Variants in STAG2 observed in about 807,000 individuals in gnomAD.
The protein encoded by STAG2 is STAG2 cohesin complex component.
A neutral mutation model predicts 108.1 loss-of-function variants in STAG2; 14 were observed. That is an observed-to-expected ratio of 0.13 (90% confidence interval 0.09 to 0.20). STAG2 has a LOEUF of 0.20. Among genes scored for constraint, STAG2 ranks in the 10% least tolerant of loss-of-function variants. The probability of loss-of-function intolerance (pLI) is 1.00; values close to 1 mark genes in which losing one functional copy is unlikely to be tolerated. For synonymous variants in STAG2, 307 were observed against 302.7 expected (o/e 1.01, Z -0.15); for missense variants, 440 against 940.9 (o/e 0.47, Z 6.96).
In STAG2 at chrX:123,972,391, C is replaced by T. The variant is rs1188220508; in HGVS notation, c.-163+10535C>T. On this transcript the variant is annotated intron_variant, in intron 1 of 34. Coordinates refer to ENST00000371145, the MANE Select transcript of STAG2 (RefSeq NM_001042750.2). ...GTTCACGCCATTCTCCTGCCTCAGC[C>T]TCCCGAGTAGCTGGGACTACAGGCG... 2.8e-5 allele frequency among the ~76,000 whole-genome samples: 3 copies of T among 108,596 alleles called. No individual in the cohort carries two copies. In the East Asian group the frequency reaches 8.8e-4, roughly 32 times the overall value. 94.3% of individuals were successfully genotyped at this position (108,596 alleles called of 115,157 possible).
At chrX:124,073,785 T>A (rs1178743288) in intron 25 of STAG2, among the ~76,000 whole-genome samples, 1 of 111,617 alleles carries the variant, frequency 9.0e-6, no homozygotes. Context: ...ATATAACAGA[T>A]TTTTACATAA....
At chrX:124,057,822 TTTG>T (rs752606209) in intron 14 of STAG2, 41 bp from the exon 15 acceptor site, 14 of 898,122 alleles carry the variant, frequency 1.6e-5, no homozygotes, top group East Asian at 3.4e-5. Flanking sequence ...TAGAAAATTT[TTTG>T]TTGTTGTTGT....
chrX:124,072,298 A>G (rs2058682699), intron 25 of STAG2, among the ~76,000 whole-genome samples: 1 of 111,880 alleles, frequency 8.9e-6, no homozygotes, highest in Admixed American at 9.5e-5. Context: ...GGAAAATACA[A>G]CATCAACATG....
In STAG2 at chrX:124,061,298, T is replaced by C; in HGVS notation, c.1491T>C (p.Cys497=). 2 of 1,209,496 alleles carry C rather than the reference T, an allele frequency of 1.7e-6. No individual in the cohort carries two copies. The highest frequency in any genetic ancestry group is 2.2e-6 in the Non-Finnish European group (2 of 893,784). The change falls in exon 16 of 35, where the codon TGT becomes TGC. Residue 497 remains cysteine, a synonymous_variant. Coordinates refer to ENST00000371145, the MANE Select transcript of STAG2 (RefSeq NM_001042750.2). ...CTGAGCTGCTGAAAGACTGGGAATG[T>C]ATGAATAGCTTGTTACTGGAAGAGC... The part of the protein sequence containing the change: ...CATELLKDWE[C]MNSLLLEEPL...
At chrX:124,058,117 C>G in intron 15 of STAG2, 140 bp downstream of exon 15, 1 of 297,029 alleles carries the variant, frequency 3.4e-6, no homozygotes, top group Non-Finnish European at 5.8e-6. Flanking sequence ...CCCCACTCCC[C>G]CAATTTTTTT....
intron 1 of STAG2, among the ~76,000 whole-genome samples, chrX:123,997,219 C>T (rs1314591192): frequency 8.9e-6 from 1 of 112,119 alleles, no homozygotes; most frequent in Admixed American, 9.5e-5. Context: ...ACTTCTTTGC[C>T]TTTTCACCTA....
intron 1 of STAG2, among the ~76,000 whole-genome samples, chrX:123,967,387 T>C (rs2054150934): frequency 9.6e-6 from 1 of 103,746 alleles, no homozygotes; most frequent in South Asian, 4.9e-4. Flanking sequence ...TGCCTCGGCC[T>C]CCCGAGTAGC....
chrX:124,049,102 T>TAA, intron 10 of STAG2, 24 bp downstream of exon 10: 1 of 1,088,526 alleles, frequency 9.2e-7, no homozygotes, highest in Non-Finnish European at 1.3e-6. Context: ...GTTTTTTTCA[T>TAA]AAATAGCATT....
At chrX:123,989,929 A>G (rs1436886880) in intron 1 of STAG2, among the ~76,000 whole-genome samples, 2 of 110,961 alleles carry the variant, frequency 1.8e-5, no homozygotes, top group Non-Finnish European at 3.8e-5. Context: ...CGTTAGCCTA[A>G]CATTTTTTTT....
chrX:124,014,989 T>TC (rs1423728726), intron 1 of STAG2, among the ~76,000 whole-genome samples: 2 of 79,897 alleles, frequency 2.5e-5, no homozygotes, highest in African/African-American at 4.6e-5. Context: ...CTTTTTTTTT[T>TC]TTTTTTTTTT....
At chrX:124,083,642 G>C in intron 29 of STAG2, 93 bp downstream of exon 29, 7 of 732,724 alleles carry the variant, frequency 9.6e-6, no homozygotes, top group Non-Finnish European at 1.3e-5. Flanking sequence ...TACTCACACA[G>C]AATTGTAGGA....
In STAG2 at chrX:124,019,091, C is replaced by T. The variant is rs190292034; in HGVS notation, c.-162-2276C>T. On this transcript the variant is annotated intron_variant, in intron 1 of 34. Transcript: ENST00000371145. ...TTTTTTTTTATTTAAGATGGAGTCTCGCTCTGTCACCCAGGCTGGAGTGCA... is the reference window on the plus strand; with the variant it reads ...TTTTTTTTTATTTAAGATGGAGTCTTGCTCTGTCACCCAGGCTGGAGTGCA... Among the ~76,000 whole-genome samples the T allele has an allele frequency of 5.9e-3, 539 of 91,234 alleles. 5 individuals are homozygous for T. The highest frequency in any genetic ancestry group is 0.022 in the African/African-American group (499 of 23,009). The allele number at this position is 91,234 out of a possible 115,157, so 79.2% of individuals were successfully genotyped here. A position where few individuals can be genotyped will look rare whatever the true frequency, so the allele number is the denominator to read the frequency against.
At chrX:124,044,641 T>C (rs1465038474) in intron 7 of STAG2, among the ~76,000 whole-genome samples, 1 of 111,469 alleles carries the variant, frequency 9.0e-6, no homozygotes, top group South Asian at 3.7e-4. Flanking sequence ...GTACCAGTCT[T>C]CCAAGGCAAT....
intron 1 of STAG2, among the ~76,000 whole-genome samples, chrX:124,009,900 T>TTTTA (rs1346365067): frequency 9.0e-6 from 1 of 111,621 alleles, no homozygotes. Flanking sequence ...CTTTGGTGCA[T>TTTTA]TTTACCTTAT....
chrX:124,043,680 A>G (rs1033741228), intron 7 of STAG2, among the ~76,000 whole-genome samples: 1 of 111,757 alleles, frequency 8.9e-6, no homozygotes, highest in Admixed American at 9.5e-5. Context: ...AGCAATATTT[A>G]GGGAACCTGA....
chrX:124,014,113 C>T (rs1305932228), intron 1 of STAG2, among the ~76,000 whole-genome samples: 1 of 111,344 alleles, frequency 9.0e-6, no homozygotes, highest in African/African-American at 3.3e-5. Context: ...TATTGCTGTG[C>T]ACCTACTATA....
At position 124,061,491 on chromosome X, in the gene STAG2, A is replaced by T. The variant is rs918126395; in HGVS notation, c.1534+150A>T. On this transcript the variant is annotated intron_variant, in intron 16 of 34. Coordinates refer to ENST00000371145, the MANE Select transcript of STAG2 (RefSeq NM_001042750.2). ...TTTGTTTTCATATAAATATTATGCT[A>T]TGTAAAAAGATGTAATTGCTGTCAA... The T allele has an allele frequency of 1.8e-5, 8 of 445,356 alleles. No individual in the cohort carries two copies. In the African/African-American group the frequency reaches 2.0e-4, roughly 11 times the overall value. The allele number at this position is 445,356 out of a possible 1,213,427, so 36.7% of individuals were successfully genotyped here. A position where few individuals can be genotyped will look rare whatever the true frequency, so the allele number is the denominator to read the frequency against.
At chrX:123,983,969 C>CTTTTTT (rs1569493164) in intron 1 of STAG2, among the ~76,000 whole-genome samples, 9 of 64,623 alleles carry the variant, frequency 1.4e-4, no homozygotes, top group African/African-American at 5.9e-4. Context: ...ATTTTCTTTT[C>CTTTTTT]TTTTCTTTTT....
At chrX:123,989,422 C>T (rs1158118973) in intron 1 of STAG2, among the ~76,000 whole-genome samples, 2 of 110,380 alleles carry the variant, frequency 1.8e-5, no homozygotes, top group African/African-American at 3.3e-5. Context: ...TATTATAGTA[C>T]CTTATATTTT....
Sources: allele counts gnomAD v4.1 joint callset (sites outside exome capture counted in the v4.1 genomes callset), GRCh38; gene constraint gnomAD v4.1.1; transcripts MANE v1.5; gene names NCBI Gene and HGNC (gene_info 2026-07-23, HGNC 2026-07-21).